The following TCF3 variants were observed in gnomAD, a reference collection of about 807,000 sequenced individuals.
TCF3 encodes transcription factor E2-alpha.
A neutral mutation model predicts 72.3 loss-of-function variants in TCF3; 54 were observed. That is an observed-to-expected ratio of 0.75 (90% CI 0.60 to 0.94). The LOEUF (loss-of-function observed/expected upper bound fraction) is 0.94, where lower values mean the gene tolerates loss of function less well. Among genes scored for constraint, TCF3 ranks in the 40% least tolerant of loss-of-function variants. TCF3 has a pLI of 0.00. For synonymous variants in TCF3, 525 were observed against 412.6 expected (o/e 1.27, Z -3.30); for missense variants, 1,078 against 934.4 (o/e 1.15, Z -2.00).
intron 16 of TCF3, among the ~76,000 whole-genome samples, chr19:1,617,205 T>C (rs1358022663): frequency 6.6e-6 from 1 of 152,184 alleles, no homozygotes; most frequent in African/African-American, 2.4e-5. Context: ...TTCCTCTGAA[T>C]TGACAACAGG....
At position 1,646,098 on chromosome 19, in the gene TCF3, C is replaced by G. The variant is rs569625223; in HGVS notation, c.145+257G>C. On this transcript the variant is annotated intron_variant, in intron 3 of 18. Transcript: ENST00000262965. ...GCGCCTAAAAACAAGCCCCACCCAG[C>G]CCCCAGACCCAGGCTCCAGGCGCGG... Among the ~76,000 whole-genome samples the G allele has an allele frequency of 8.5e-5, 13 of 152,240 alleles. No individual in the cohort carries two copies. The East Asian group carries it at 2.5e-3, about 29-fold the overall frequency.
In TCF3 at chr19:1,625,717, G is replaced by T; in HGVS notation, c.367-9C>A. 1 of 1,494,466 alleles carries T rather than the reference G, an allele frequency of 6.7e-7. No individual in the cohort carries two copies. Among genetic ancestry groups the T allele is most frequent in the South Asian group, 1.3e-5 (1 of 76,462 alleles). The allele number at this position is 1,494,466 out of a possible 1,614,324, so 92.6% of individuals were successfully genotyped here. ...CCTGACAGGAAGCCAGCCTGGTGGG[G>T]AGCGGATGGTCAGAAAGCGCCCAGC... On this transcript the variant is annotated splice_polypyrimidine_tract_variant and intron_variant, in intron 6 of 18. Coordinates refer to ENST00000262965, the MANE Select transcript of TCF3 (RefSeq NM_003200.5).
chr19:1,642,503 G>C (rs1354281681), intron 3 of TCF3, among the ~76,000 whole-genome samples: 1 of 152,222 alleles, frequency 6.6e-6, no homozygotes, highest in Non-Finnish European at 1.5e-5. Context: ...AGAATAAAAA[G>C]TGGATCAACT....
Position 1,615,866 on chromosome 19 carries a change from C to G in TCF3, c.1451-45G>C. ...AGGGGCCTGCGTCGGCCTCCAGGGC[C>G]AACTGACATATCTCTTTGTGCTCCT... On this transcript the variant is annotated intron_variant, in intron 16 of 18. Coordinates refer to ENST00000262965, the MANE Select transcript of TCF3 (RefSeq NM_003200.5). This position sits in a 1 kb window ranked among gnomAD's most constrained non-coding sequence, Gnocchi z 7.3. 3.3e-6 allele frequency: 5 copies of G among 1,499,886 alleles called. No individual in the cohort carries two copies. Among genetic ancestry groups the G allele is most frequent in the Non-Finnish European group, 4.4e-6 (5 of 1,125,932 alleles). 92.9% of individuals were successfully genotyped at this position (1,499,886 alleles called of 1,614,324 possible).
chr19:1,611,584 G>C lies in TCF3; in HGVS notation c.*123C>G, dbSNP rs965017850. 8.1e-6 allele frequency: 11 copies of C among 1,361,218 alleles called. No homozygotes were observed. In the African/African-American group the frequency reaches 1.6e-4, roughly 20 times the overall value. The allele number at this position is 1,361,218 out of a possible 1,614,324, so 84.3% of individuals were successfully genotyped here. On this transcript the variant is annotated 3_prime_UTR_variant, in exon 19 of 19. Transcript: ENST00000262965. Reference sequence around the variant, plus strand: ...TCCGAACCTTGTCAGGTTGGTGTTGGCTCGATGCTGACAACAGGTGTGTGA... The same window carrying C: ...TCCGAACCTTGTCAGGTTGGTGTTGCCTCGATGCTGACAACAGGTGTGTGA...
chr19:1,625,658 G>A lies in TCF3; in HGVS notation c.417C>T (p.Ser139=). 1 of 1,537,530 alleles carries A rather than the reference G, an allele frequency of 6.5e-7. No homozygotes were observed. The highest frequency in any genetic ancestry group is 8.7e-7 in the Non-Finnish European group (1 of 1,148,886). Residue 139 remains serine, a synonymous_variant, in exon 7 of 19, where the codon TCC becomes TCT. Coordinates refer to ENST00000262965, the MANE Select transcript of TCF3 (RefSeq NM_003200.5). ...GGGAGGTCCCCTTCATGCCCGAAGGGGACAGGGGCCCGGGGCTGTTGAGGG... is the reference window on the plus strand; with the variant it reads ...GGGAGGTCCCCTTCATGCCCGAAGGAGACAGGGGCCCGGGGCTGTTGAGGG... The part of the protein sequence containing the change: ...ELALNSPGPL[S]PSGMKGTSQY...
chr19:1,625,586 G>A lies in TCF3; in HGVS notation c.489C>T (p.Asp163=), dbSNP rs144538098. 191 of 1,584,678 alleles carry A rather than the reference G, an allele frequency of 1.2e-4. No homozygotes were observed. The African/African-American group carries it at 1.6e-3, about 14-fold the overall frequency. ...YSGSSRRRAA[D]GSLDTQPKKV... is the part of the protein sequence containing the mutation. ...CCAGACCCCGCTCACCTAGGCTGCC[G>A]TCTGCCGCTCTCCGCCGGGAGCTGC... The change falls in exon 7 of 19, where the codon GAC becomes GAT. Residue 163 remains aspartate (D), a synonymous_variant. Transcript: ENST00000262965.
rs1049985720 is a variant in TCF3, at chr19:1,619,037, A to AC, written c.1450+73dup. On this transcript the variant is annotated intron_variant, in intron 16 of 18. Coordinates refer to ENST00000262965, the MANE Select transcript of TCF3 (RefSeq NM_003200.5). ...ACACCTGCCCTGGGCTCCCACCCTGACCCCCACCACTAGAGTGCCTCAGTT... is the reference window on the plus strand; with the variant it reads ...ACACCTGCCCTGGGCTCCCACCCTGACCCCCCACCACTAGAGTGCCTCAGTT... 9 of 1,591,810 alleles carry AC rather than the reference A, an allele frequency of 5.7e-6. No homozygotes were observed. The African/African-American group carries it at 9.4e-5, about 17-fold the overall frequency.
intron 16 of TCF3, among the ~76,000 whole-genome samples, chr19:1,617,535 ATCAG>A (rs1364016833): frequency 3.3e-5 from 5 of 152,208 alleles, no homozygotes; most frequent in African/African-American, 7.2e-5. Context: ...GAGTCCAGGA[ATCAG>A]TCAGGGCTCA....
At position 1,632,552 on chromosome 19, in the gene TCF3, G is replaced by C. The variant is rs564286794; in HGVS notation, c.146-147C>G. On this transcript the variant is annotated intron_variant, in intron 3 of 18. Coordinates refer to ENST00000262965, the MANE Select transcript of TCF3 (RefSeq NM_003200.5). ...CCCAGCCTCACCCAGCCCGACTCAT[G>C]AGGACACCAGTCAGCAGCTAACACC... The C allele has an allele frequency of 4.8e-5, 35 of 722,068 alleles. No individual in the cohort carries two copies. In the East Asian group the frequency reaches 9.5e-4, roughly 20 times the overall value. The allele number at this position is 722,068 out of a possible 1,614,324, so 44.7% of individuals were successfully genotyped here.
chr19:1,651,803 C>T (rs1031811963), intron 1 of TCF3, among the ~76,000 whole-genome samples: 1 of 151,734 alleles, frequency 6.6e-6, no homozygotes, highest in Non-Finnish European at 1.5e-5. Context: ...CCGCGCGCCC[C>T]CCCCCGGCCC....
intron 1 of TCF3, among the ~76,000 whole-genome samples, chr19:1,651,671 G>A (rs2067090339): frequency 6.6e-6 from 1 of 151,354 alleles, no homozygotes; most frequent in African/African-American, 2.5e-5. Context: ...CCCGGGGGGA[G>A]GCGGCCCGGG....
chr19:1,651,264 C>T, intron 1 of TCF3: 1 of 226,980 alleles, frequency 4.4e-6, no homozygotes, highest in African/African-American at 2.2e-5. Context: ...GGGACGGGGG[C>T]AGCCCGGGAG....
At chr19:1,625,095 T>C (rs1015762185) in intron 7 of TCF3, among the ~76,000 whole-genome samples, 2 of 152,202 alleles carry the variant, frequency 1.3e-5, no homozygotes, top group Non-Finnish European at 2.9e-5. Flanking sequence ...GATCCTCCTG[T>C]CTCGGCCTCC....
rs114685880 is a variant in TCF3 at position 1,617,602 on chromosome 19, C to G, written c.1450+1509G>C. Among the ~76,000 whole-genome samples, 943 of 152,288 alleles carry G rather than the reference C, an allele frequency of 6.2e-3. 12 individuals are homozygous for G. The highest frequency in any genetic ancestry group is 0.021 in the African/African-American group (889 of 41,556). ...GAGACCCCCGTACCCTGAGGGGGAG[C>G]CTCAGAAATGCACCCGCTCCCCACA... is the stretch of plus-strand genomic sequence containing the variant. On this transcript the variant is annotated intron_variant, in intron 16 of 18. Transcript: ENST00000262965.
intron 3 of TCF3, among the ~76,000 whole-genome samples, chr19:1,633,249 G>A (rs889585165): frequency 2.0e-5 from 3 of 152,324 alleles, no homozygotes; most frequent in Admixed American, 6.5e-5. Flanking sequence ...CGGGCCCTGG[G>A]CCTCCTCAGC....
intron 7 of TCF3, 111 bp from the exon 8 acceptor site, chr19:1,624,111 G>C: frequency 3.7e-6 from 4 of 1,084,266 alleles, no homozygotes; most frequent in Non-Finnish European, 5.4e-6. Context: ...TAAAAACCTC[G>C]GGTCGGCTGG....
Position 1,621,773 on chromosome 19 carries a change from C to CA in TCF3, c.955+64dup, listed in dbSNP as rs139341578. On this transcript the variant is annotated intron_variant, in intron 11 of 18. Coordinates refer to ENST00000262965, the MANE Select transcript of TCF3 (RefSeq NM_003200.5). ...CTCCCGTGGAGTCCTCGCCACCCCCCACCCAGACCCTGCCTGGAGCCCAGT... is the reference window on the plus strand; with the variant it reads ...CTCCCGTGGAGTCCTCGCCACCCCCCAACCCAGACCCTGCCTGGAGCCCAGT... 9.0e-4 allele frequency: 1,334 copies of CA among 1,480,906 alleles called. 11 individuals carry two copies. The African/African-American group carries it at 0.016, about 18-fold the overall frequency. The allele number at this position is 1,480,906 out of a possible 1,614,324, so 91.7% of individuals were successfully genotyped here.
In TCF3 at chr19:1,611,825, G is replaced by A; in HGVS notation, c.1847C>T (p.Ala616Val). The A allele has an allele frequency of 6.2e-7, 1 of 1,613,156 alleles. No individual in the cohort carries two copies. Among genetic ancestry groups the A allele is most frequent in the Non-Finnish European group, 8.5e-7 (1 of 1,179,826 alleles). ...VRERNLNPKA[A>V]CLKRREEEKV... ...TTCCTCTTCTCGCCGTTTCAAACAG[G>A]CTGCTTTGGGATTCAGGTTCCGCTC... The change falls in exon 19 of 19, where the codon GCC becomes GTC. Residue 616 changes from alanine to valine, a missense_variant. Transcript: ENST00000262965.
Sources: allele counts gnomAD v4.1 joint callset (sites outside exome capture counted in the v4.1 genomes callset), GRCh38; gene constraint gnomAD v4.1.1; non-coding constraint Gnocchi (gnomAD v3.1); transcripts MANE v1.5; gene names NCBI Gene and HGNC (gene_info 2026-07-23, HGNC 2026-07-21).